RAB28: variants seen among roughly 807,000 people sequenced by gnomAD.
RAB28 encodes the protein RAB28, member RAS oncogene family.
RAB28 carries 24 observed loss-of-function variants against 31.7 expected under a neutral mutation model. The observed-to-expected ratio is 0.76, with a 90% CI of 0.55 to 1.06. The LOEUF is 1.06. RAB28 is among the 50% of genes least tolerant of loss of function. The pLI is 0.00. For missense variants in RAB28, 254 were observed against 258.5 expected, an observed-to-expected ratio of 0.98 and a Z score of 0.12; for synonymous variants, 100 against 90.4, an observed-to-expected ratio of 1.11 and a Z score of -0.60.
intron 4 of RAB28, among the ~76,000 whole-genome samples, chr4:13,423,847 T>G (rs892048781): frequency 5.3e-5 from 8 of 152,198 alleles, no homozygotes; most frequent in African/African-American, 1.9e-4. Flanking sequence ...ATAAGCTGAT[T>G]CTACAGTAGA....
At chr4:13,442,587 CATA>C (rs1714480318) in intron 4 of RAB28, among the ~76,000 whole-genome samples, 1 of 151,016 alleles carries the variant, frequency 6.6e-6, no homozygotes, top group African/African-American at 2.4e-5. Context: ...ATAGATATTT[CATA>C]ATATTTGTCA....
At chr4:13,460,882 T>C in intron 3 of RAB28, 54 bp from the exon 4 acceptor site, 9 of 1,532,328 alleles carry the variant, frequency 5.9e-6, no homozygotes, top group Non-Finnish European at 8.1e-6. Context: ...TGAAAAAATC[T>C]TAATGAATAC....
At chr4:13,414,024 A>C (rs1712607348) in intron 4 of RAB28, among the ~76,000 whole-genome samples, 1 of 152,176 alleles carries the variant, frequency 6.6e-6, no homozygotes, top group African/African-American at 2.4e-5. Context: ...TCAGCTCAGA[A>C]GCCCCGTTCC....
intron 4 of RAB28, among the ~76,000 whole-genome samples, chr4:13,415,513 G>A (rs1363714219): frequency 2.6e-5 from 4 of 152,132 alleles, no homozygotes; most frequent in South Asian, 2.1e-4. Flanking sequence ...CTGCCGGCCC[G>A]GGCAATGAGG....
At chr4:13,465,843 T>C (rs1446770071) in intron 3 of RAB28, among the ~76,000 whole-genome samples, 1 of 150,950 alleles carries the variant, frequency 6.6e-6, no homozygotes, top group Non-Finnish European at 1.5e-5. Context: ...CTATAGTAAT[T>C]ACAACAGCAT....
At chr4:13,378,165 T>C (rs938928944) in intron 5 of RAB28, among the ~76,000 whole-genome samples, 4 of 152,154 alleles carry the variant, frequency 2.6e-5, no homozygotes, top group Non-Finnish European at 4.4e-5. Flanking sequence ...GACTGAACCT[T>C]AGTTGGCTGG....
At chr4:13,438,918 T>C (rs1461142647) in intron 4 of RAB28, among the ~76,000 whole-genome samples, 1 of 152,182 alleles carries the variant, frequency 6.6e-6, no homozygotes, top group East Asian at 1.9e-4. Flanking sequence ...TTCCAAGTTA[T>C]CCACAGCCTC....
chr4:13,369,692 T>C (rs944717864), intron 6 of RAB28, among the ~76,000 whole-genome samples: 1 of 152,162 alleles, frequency 6.6e-6, no homozygotes, highest in African/African-American at 2.4e-5. Context: ...TCTTAATTCA[T>C]GTCTCCTGGC....
At chr4:13,451,653 C>T (rs1199716483) in intron 4 of RAB28, among the ~76,000 whole-genome samples, 1 of 151,638 alleles carries the variant, frequency 6.6e-6, no homozygotes, top group East Asian at 1.9e-4. Flanking sequence ...AAATCTTTTC[C>T]CAGACAAATG....
At chr4:13,479,200 T>G (rs1241842920) in intron 2 of RAB28, among the ~76,000 whole-genome samples, 2 of 151,696 alleles carry the variant, frequency 1.3e-5, no homozygotes, top group African/African-American at 4.8e-5. Context: ...AAATGTATAG[T>G]AGCCAAAAAC....
chr4:13,413,779 T>C (rs1712587452), intron 4 of RAB28, among the ~76,000 whole-genome samples: 1 of 152,202 alleles, frequency 6.6e-6, no homozygotes, highest in Admixed American at 6.5e-5. Context: ...ATGCCAAGTA[T>C]AACTTTATTC....
intron 4 of RAB28, among the ~76,000 whole-genome samples, chr4:13,434,902 C>T (rs555971096): frequency 6.6e-6 from 1 of 151,164 alleles, no homozygotes; most frequent in East Asian, 1.9e-4. Context: ...ACCTGTAATC[C>T]CAGCTACTCA....
At chr4:13,449,116 A>G (rs1286038854) in intron 4 of RAB28, among the ~76,000 whole-genome samples, 1 of 152,010 alleles carries the variant, frequency 6.6e-6, no homozygotes, top group East Asian at 1.9e-4. Flanking sequence ...GTTTCTGTTT[A>G]TGCTTCATAA....
At chr4:13,470,109 T>C (rs1716050736) in intron 3 of RAB28, among the ~76,000 whole-genome samples, 1 of 152,094 alleles carries the variant, frequency 6.6e-6, no homozygotes, top group African/African-American at 2.4e-5. Flanking sequence ...ACACACACTA[T>C]TTAACCTTCT....
chr4:13,426,456 TAC>T (rs2108926886), intron 4 of RAB28, among the ~76,000 whole-genome samples: 1 of 152,292 alleles, frequency 6.6e-6, no homozygotes, highest in African/African-American at 2.4e-5. Context: ...TATCCATGTC[TAC>T]AGCTTTGACT....
Position 13,368,150 on chromosome 4 carries a change from T to C in RAB28, c.*408A>G, listed in dbSNP as rs1728579144. On this transcript the variant is annotated 3_prime_UTR_variant, in exon 7 of 7. Coordinates refer to ENST00000330852, the MANE Select transcript of RAB28 (RefSeq NM_001017979.3). The stretch of plus-strand genomic sequence containing the variant: ...TGCTTAATGTTTGCACTCTGAAGTA[T>C]ACTTTGACACATACAAGTTCCGATA... 3 of 986,356 alleles carry C rather than the reference T, an allele frequency of 3.0e-6. No homozygotes were observed. The highest frequency in any genetic ancestry group is 3.6e-6 in the Non-Finnish European group (3 of 830,440). The allele number at this position is 986,356 out of a possible 1,614,324, so 61.1% of individuals were successfully genotyped here.
intron 4 of RAB28, among the ~76,000 whole-genome samples, chr4:13,447,532 A>C (rs539130517): frequency 6.6e-6 from 1 of 152,332 alleles, no homozygotes; most frequent in East Asian, 1.9e-4. Context: ...GCAAAACTAC[A>C]CATTCATGTG....
chr4:13,466,681 T>C (rs1393394355), intron 3 of RAB28, among the ~76,000 whole-genome samples: 2 of 151,882 alleles, frequency 1.3e-5, no homozygotes, highest in Non-Finnish European at 2.9e-5. Flanking sequence ...CCTACTTCTG[T>C]GTATTTACCC....
At chr4:13,451,538 A>T (rs1714968334) in intron 4 of RAB28, among the ~76,000 whole-genome samples, 1 of 149,988 alleles carries the variant, frequency 6.7e-6, no homozygotes, top group Non-Finnish European at 1.5e-5. Context: ...TTACTTTTTC[A>T]CTCTGTTGGT....
Sources: allele counts gnomAD v4.1 joint callset (sites outside exome capture counted in the v4.1 genomes callset), GRCh38; gene constraint gnomAD v4.1.1; transcripts MANE v1.5; gene names NCBI Gene and HGNC (gene_info 2026-07-23, HGNC 2026-07-21).